The following RANBP2 variants were observed in gnomAD, a reference collection of about 807,000 sequenced individuals.
RANBP2 encodes RAN binding protein 2, also known as E3 SUMO-protein ligase RanBP2.
RANBP2 carries 57 observed loss-of-function variants against 303.6 expected under a neutral mutation model. That is an observed-to-expected ratio of 0.19 (90% CI 0.15 to 0.23). The LOEUF (loss-of-function observed/expected upper bound fraction) is 0.23. Ranked by LOEUF, RANBP2 falls within the 10% of genes least tolerant of loss-of-function variation. The pLI, the probability that RANBP2 is intolerant of heterozygous loss-of-function variation, is 1.00. For missense variants in RANBP2, 3,138 were observed against 3,780.8 expected, an observed-to-expected ratio of 0.83 and a Z score of 4.46; for synonymous variants, 1,167 against 1,301.5, an observed-to-expected ratio of 0.90 and a Z score of 2.23.
the RANBP2 span, among the ~76,000 whole-genome samples, chr2:109,397,705 C>T: frequency 0.024 from 3,702 of 152,286 alleles, 149 homozygotes; most frequent in African/African-American, 0.078. Context: ...CACGGACCTT[C>T]CCCCAGTGGG....
At chr2:109,495,663 TG>T in the RANBP2 span, among the ~76,000 whole-genome samples, 1 of 152,002 alleles carries the variant, frequency 6.6e-6, no homozygotes, top group African/African-American at 2.4e-5. Context: ...GGCTGATTTT[TG>T]TATTTTTAGT....
chr2:109,141,884 C>T, the RANBP2 span, among the ~76,000 whole-genome samples: 2 of 152,092 alleles, frequency 1.3e-5, no homozygotes, highest in Non-Finnish European at 2.9e-5. Flanking sequence ...AGTCTGCTGT[C>T]GGCTGCCTGC....
At chr2:108,885,475 T>G in the RANBP2 span, 25 of 152,354 alleles carry the variant, frequency 1.6e-4, no homozygotes, top group East Asian at 4.8e-3. Context: ...AATTGAAAAG[T>G]AAGTACTGTA....
chr2:109,273,088 G>A, the RANBP2 span, among the ~76,000 whole-genome samples: 4 of 152,166 alleles, frequency 2.6e-5, no homozygotes, highest in East Asian at 1.9e-4. Context: ...TGAGTATTTC[G>A]GGTTGAAGAG....
chr2:109,055,560 T>G, the RANBP2 span, among the ~76,000 whole-genome samples: 2 of 151,744 alleles, frequency 1.3e-5, no homozygotes, highest in African/African-American at 4.9e-5. Flanking sequence ...TTCTTTTTTG[T>G]ATTTTAGTAG....
At chr2:109,249,604 T>C in the RANBP2 span, among the ~76,000 whole-genome samples, 1 of 147,574 alleles carries the variant, frequency 6.8e-6, no homozygotes, top group African/African-American at 2.6e-5. Flanking sequence ...TTTCTTTTTC[T>C]TTCTTTCTTT....
chr2:108,927,958 G>A, the RANBP2 span, among the ~76,000 whole-genome samples: 1 of 151,964 alleles, frequency 6.6e-6, no homozygotes, highest in Non-Finnish European at 1.5e-5. Flanking sequence ...GTCTTTCAGG[G>A]GGCTCTCAGA....
In RANBP2 at chr2:108,763,645, A is replaced by G; in HGVS notation, c.3106A>G (p.Asn1036Asp). ...TQPTPFKFNSNFKSNDGDFTF... is the reference protein window; with the variant it reads ...TQPTPFKFNSDFKSNDGDFTF... Reference sequence around the variant, plus strand: ...GCCAACTCCTTTTAAATTTAACTCAAATTTCAAATCAAATGATGGTGACTT... The same window carrying G: ...GCCAACTCCTTTTAAATTTAACTCAGATTTCAAATCAAATGATGGTGACTT... The change falls in exon 20 of 29, where the codon AAT (asparagine) becomes GAT (aspartate). Residue 1036 changes from asparagine (N) to aspartate (D), a missense_variant. Transcript: ENST00000283195. The G allele has an allele frequency of 6.2e-7, 1 of 1,614,018 alleles. No individual in the cohort carries two copies. Among genetic ancestry groups the G allele is most frequent in the Non-Finnish European group, 8.5e-7 (1 of 1,179,986 alleles).
the RANBP2 span, among the ~76,000 whole-genome samples, chr2:108,992,973 C>T: frequency 3.3e-5 from 5 of 152,164 alleles, no homozygotes; most frequent in South Asian, 4.2e-4. Flanking sequence ...TCAGAGCACC[C>T]GCTACTCATG....
At chr2:109,415,840 T>C in the RANBP2 span, among the ~76,000 whole-genome samples, 2 of 152,140 alleles carry the variant, frequency 1.3e-5, no homozygotes, top group Non-Finnish European at 2.9e-5. Flanking sequence ...CTGAAATTCA[T>C]GTTGAAATTT....
chr2:109,474,648 G>T, the RANBP2 span, among the ~76,000 whole-genome samples: 1 of 152,192 alleles, frequency 6.6e-6, no homozygotes, highest in Non-Finnish European at 1.5e-5. Flanking sequence ...GAAGCTTCCC[G>T]CTGGTCTGCC....
the RANBP2 span, among the ~76,000 whole-genome samples, chr2:108,916,284 C>T: frequency 6.6e-6 from 1 of 152,194 alleles, no homozygotes; most frequent in Non-Finnish European, 1.5e-5. Context: ...GAATGTTTGT[C>T]ATCTTCGCCT....
the RANBP2 span, among the ~76,000 whole-genome samples, chr2:109,315,045 A>G: frequency 1.3e-5 from 2 of 152,346 alleles, no homozygotes; most frequent in East Asian, 3.9e-4. Flanking sequence ...CAGCGACCAC[A>G]TTGAAGAGCC....
chr2:109,577,361 A>C, the RANBP2 span, among the ~76,000 whole-genome samples: 1 of 152,144 alleles, frequency 6.6e-6, no homozygotes, highest in Non-Finnish European at 1.5e-5. Flanking sequence ...TGGGAGGTCA[A>C]GGCTGGAGGA....
chr2:109,712,483 G>A, the RANBP2 span, among the ~76,000 whole-genome samples: 2 of 152,170 alleles, frequency 1.3e-5, no homozygotes, highest in Non-Finnish European at 2.9e-5. Flanking sequence ...CCAGGCTGGA[G>A]TACAATAGCA....
At chr2:109,114,920 A>G in the RANBP2 span, among the ~76,000 whole-genome samples, 3 of 152,224 alleles carry the variant, frequency 2.0e-5, no homozygotes, top group East Asian at 5.8e-4. Context: ...CAAGTTGTTC[A>G]GTTTCCATGT....
the RANBP2 span, among the ~76,000 whole-genome samples, chr2:109,289,960 C>G: frequency 6.6e-6 from 1 of 152,156 alleles, no homozygotes; most frequent in African/African-American, 2.4e-5. Flanking sequence ...TGGAGTAGCT[C>G]AAGGCTTCTG....
chr2:109,625,687 C>A, the RANBP2 span, among the ~76,000 whole-genome samples: 3 of 151,864 alleles, frequency 2.0e-5, no homozygotes, highest in South Asian at 2.1e-4. Flanking sequence ...AATAAAAATA[C>A]AAATAAATGA....
chr2:109,379,235 C>A, the RANBP2 span, among the ~76,000 whole-genome samples: 1 of 152,206 alleles, frequency 6.6e-6, no homozygotes, highest in African/African-American at 2.4e-5. Flanking sequence ...GCCAGTGATG[C>A]TTTAGGAATT....
Sources: gnomAD v4.1 joint callset for allele counts (sites outside exome capture counted in the v4.1 genomes callset) on GRCh38, gnomAD v4.1.1 for gene constraint, MANE v1.5 for transcripts, NCBI Gene and HGNC (gene_info 2026-07-23, HGNC 2026-07-21) for gene names.